NELL1: variants seen among roughly 807,000 people sequenced by gnomAD.
NELL1 encodes neural EGFL like 1, also known as protein kinase C-binding protein NELL1.
A neutral mutation model predicts 107.4 loss-of-function variants in NELL1; 76 were observed. That is an observed-to-expected ratio of 0.71 (90% confidence interval 0.59 to 0.86). The LOEUF (loss-of-function observed/expected upper bound fraction) is 0.86. Ranked by LOEUF, NELL1 falls within the 40% of genes least tolerant of loss-of-function variation. The pLI, the probability that NELL1 is intolerant of heterozygous loss-of-function variation, is 0.00. For missense variants in NELL1, 1,024 were observed against 1,005.5 expected (o/e 1.02, Z -0.25); for synonymous variants, 353 against 341.2 (o/e 1.03, Z -0.38).
intron 15 of NELL1, among the ~76,000 whole-genome samples, chr11:21,473,720 GT>G (rs1295222309): frequency 6.6e-6 from 1 of 151,994 alleles, no homozygotes; most frequent in Non-Finnish European, 1.5e-5. Flanking sequence ...GATCAGTTCA[GT>G]TTTTTGGAAG....
chr11:20,778,915 C>T (rs933878446), intron 2 of NELL1, among the ~76,000 whole-genome samples: 1 of 152,066 alleles, frequency 6.6e-6, no homozygotes, highest in Non-Finnish European at 1.5e-5. Context: ...AGCACCAGCC[C>T]ACCCAGTTCC....
intron 15 of NELL1, among the ~76,000 whole-genome samples, chr11:21,511,924 T>C (rs1855445661): frequency 6.6e-6 from 1 of 152,184 alleles, no homozygotes; most frequent in African/African-American, 2.4e-5. Context: ...AATACTGTAT[T>C]GTGTAAGATG....
chr11:20,705,217 C>T (rs951598652), intron 2 of NELL1, among the ~76,000 whole-genome samples: 3 of 152,096 alleles, frequency 2.0e-5, no homozygotes, highest in Admixed American at 6.6e-5. Context: ...CAATCCTAAG[C>T]CAAAAGAACA....
At chr11:21,504,239 T>C (rs1328919047) in intron 15 of NELL1, 1 of 152,226 alleles carries the variant, frequency 6.6e-6, no homozygotes, top group East Asian at 1.9e-4. Flanking sequence ...TGCATTTAAC[T>C]TTTATTGTGA....
chr11:20,922,826 C>G (rs1850409477), intron 7 of NELL1, among the ~76,000 whole-genome samples: 1 of 152,044 alleles, frequency 6.6e-6, no homozygotes, highest in Non-Finnish European at 1.5e-5. Flanking sequence ...GCATCTGTTT[C>G]CCCATATGTA....
At chr11:21,204,736 C>A in intron 13 of NELL1, among the ~76,000 whole-genome samples, 1 of 152,020 alleles carries the variant, frequency 6.6e-6, no homozygotes, top group Admixed American at 6.5e-5. Context: ...TGGTTTCTCC[C>A]CCATCTTTGT....
intron 15 of NELL1, among the ~76,000 whole-genome samples, chr11:21,452,831 C>T (rs1853621985): frequency 6.6e-6 from 1 of 151,902 alleles, no homozygotes; most frequent in Non-Finnish European, 1.5e-5. Flanking sequence ...ACTGGTCTCA[C>T]AATATCCCAC....
intron 12 of NELL1, among the ~76,000 whole-genome samples, chr11:20,988,405 A>G (rs534767388): frequency 6.6e-6 from 1 of 150,396 alleles, no homozygotes; most frequent in African/African-American, 2.5e-5. Context: ...ATACATATCT[A>G]TATATACACA....
intron 12 of NELL1, among the ~76,000 whole-genome samples, chr11:21,075,792 A>C (rs1208347738): frequency 6.6e-6 from 1 of 152,154 alleles, no homozygotes; most frequent in East Asian, 1.9e-4. Flanking sequence ...TTTACTCTTG[A>C]ATTCATAAGA....
chr11:21,126,250 T>G (rs1855484139), intron 13 of NELL1, among the ~76,000 whole-genome samples: 1 of 152,104 alleles, frequency 6.6e-6, no homozygotes, highest in African/African-American at 2.4e-5. Flanking sequence ...GTCTTTAAAA[T>G]GCGAATGCAG....
At chr11:20,853,355 G>A (rs1344380490) in intron 4 of NELL1, among the ~76,000 whole-genome samples, 1 of 152,184 alleles carries the variant, frequency 6.6e-6, no homozygotes, top group African/African-American at 2.4e-5. Context: ...CCTAGTCTTG[G>A]TTTTGCCATT....
chr11:20,857,135 A>T (rs1002921045), intron 4 of NELL1, among the ~76,000 whole-genome samples: 4 of 152,190 alleles, frequency 2.6e-5, no homozygotes, highest in African/African-American at 9.6e-5. Context: ...GAGAGAGGGA[A>T]GCTGTTGGCC....
rs112542528 is a variant in NELL1, at chr11:21,543,368, A to G, written c.1786+8854A>G. On this transcript the variant is annotated intron_variant, in intron 16 of 19. Coordinates refer to ENST00000357134, the MANE Select transcript of NELL1 (RefSeq NM_006157.5). ...TCAATATGAAGTAAATGCAAGCATG[A>G]TTTTGGGAATCAGAGGGCCTCAGTT... Among the ~76,000 whole-genome samples the G allele has an allele frequency of 8.5e-4, 130 of 152,134 alleles. 1 individual carries two copies. Among genetic ancestry groups the G allele is most frequent in the African/African-American group, 3.0e-3 (124 of 41,544 alleles).
intron 13 of NELL1, among the ~76,000 whole-genome samples, chr11:21,118,028 A>C (rs1308527150): frequency 6.6e-6 from 1 of 152,038 alleles, no homozygotes; most frequent in African/African-American, 2.4e-5. Context: ...AATATGGTTT[A>C]TTTTGACATG....
chr11:21,227,834 A>G (rs1027103624), intron 13 of NELL1, among the ~76,000 whole-genome samples: 2 of 152,186 alleles, frequency 1.3e-5, no homozygotes, highest in Non-Finnish European at 2.9e-5. Flanking sequence ...CAACAATCAG[A>G]TGCATGTGTG....
At chr11:20,895,317 AAT>A (rs907597695) in intron 5 of NELL1, among the ~76,000 whole-genome samples, 2 of 136,514 alleles carry the variant, frequency 1.5e-5, no homozygotes, top group Admixed American at 7.6e-5. Context: ...AAAAAAAAGA[AAT>A]TATTCCTTCT....
chr11:21,187,270 A>G (rs1160493753), intron 13 of NELL1, among the ~76,000 whole-genome samples: 1 of 151,838 alleles, frequency 6.6e-6, no homozygotes, highest in African/African-American at 2.4e-5. Flanking sequence ...GAAAGAAGAC[A>G]GGAGAACATG....
chr11:21,336,332 CG>C (rs1850395263), intron 14 of NELL1, among the ~76,000 whole-genome samples: 1 of 152,002 alleles, frequency 6.6e-6, no homozygotes, highest in South Asian at 2.1e-4. Flanking sequence ...ACTCTCCATA[CG>C]TTTGTACCCA....
intron 3 of NELL1, among the ~76,000 whole-genome samples, chr11:20,804,423 A>G (rs1360424629): frequency 6.6e-6 from 1 of 152,080 alleles, no homozygotes; most frequent in African/African-American, 2.4e-5. Flanking sequence ...TTTAATAGAG[A>G]TGGGGTTTCG....
Sources: gnomAD v4.1 joint callset for allele counts (sites outside exome capture counted in the v4.1 genomes callset) on GRCh38, gnomAD v4.1.1 for gene constraint, MANE v1.5 for transcripts, NCBI Gene and HGNC (gene_info 2026-07-23, HGNC 2026-07-21) for gene names.